Variants in RFNG observed in about 807,000 individuals in gnomAD.
RFNG encodes beta-1,3-N-acetylglucosaminyltransferase radical fringe.
A neutral mutation model predicts 29.6 loss-of-function variants in RFNG; 37 were observed. The observed-to-expected ratio is 1.25, with a 90% CI of 0.96 to 1.65. The LOEUF (loss-of-function observed/expected upper bound fraction) is 1.65, where lower values mean the gene tolerates loss of function less well. RFNG is among the 40% of genes most tolerant of loss of function. The pLI, the probability that RFNG is intolerant of heterozygous loss-of-function variation, is 0.00. For missense variants in RFNG, 546 were observed against 457.0 expected, an observed-to-expected ratio of 1.19 and a Z score of -1.78; for synonymous variants, 276 against 197.3, an observed-to-expected ratio of 1.40 and a Z score of -3.34.
In RFNG at chr17:82,051,722, C is replaced by A; in HGVS notation, c.45G>T (p.Leu15=). 1.9e-6 allele frequency: 2 copies of A among 1,053,012 alleles called. No individual in the cohort carries two copies. Among genetic ancestry groups the A allele is most frequent in the Non-Finnish European group, 2.3e-6 (2 of 876,052 alleles). The allele number at this position is 1,053,012 out of a possible 1,614,324, so 65.2% of individuals were successfully genotyped here. A position where few individuals can be genotyped will look rare whatever the true frequency, so the allele number is the denominator to read the frequency against. ...RGALCRACLA[L]AAALAALLLL... is the part of the protein sequence containing the mutation. The stretch of plus-strand genomic sequence containing the variant: ...ACAGCAGCGCGGCCAGGGCCGCGGC[C>A]AGCGCGAGGCAGGCCCGGCACAGCG... The change falls in exon 1 of 8, where the codon CTG becomes CTT. Residue 15 remains leucine (L), a synonymous_variant. Transcript: ENST00000310496. This position sits in a 1 kb window ranked among gnomAD's most constrained non-coding sequence, Gnocchi z 4.1.
intron 6 of RFNG, chr17:82,049,442 C>G (rs774577196): frequency 1.4e-6 from 1 of 708,456 alleles, no homozygotes; most frequent in South Asian, 1.5e-5. Flanking sequence ...TGGGGCCTCA[C>G]TGGCCCGAGA....
rs1273072952 is a variant in RFNG, at chr17:82,051,529, G to A, written c.238C>T (p.Arg80Cys). 1.4e-6 allele frequency: 2 copies of A among 1,398,690 alleles called. No homozygotes were observed. Among genetic ancestry groups the A allele is most frequent in the South Asian group, 1.5e-5 (1 of 65,156 alleles). The allele number at this position is 1,398,690 out of a possible 1,614,324, so 86.6% of individuals were successfully genotyped here. Residue 80 changes from arginine (R) to cysteine (C), a missense_variant, in exon 1 of 8, where the codon CGC becomes TGC. Physicochemically the swap from Arg to Cys is radical, Grantham distance 180. Transcript: ENST00000310496. This position sits in a 1 kb window ranked among gnomAD's most constrained non-coding sequence, Gnocchi z 4.1. ...TGGCGGGCCCGGGAGATCCAGGTGCGCAGCAGCAGCCGCAGGCGCGGCCCG... is the reference window on the plus strand; with the variant it reads ...TGGCGGGCCCGGGAGATCCAGGTGCACAGCAGCAGCCGCAGGCGCGGCCCG... Reference protein sequence around the residue: ...NHGPRLRLLLRTWISRARQQT... With the variant: ...NHGPRLRLLLCTWISRARQQT...
Position 82,051,771 on chromosome 17 carries a change from C to T in RFNG, c.-5G>A. 1.1e-5 allele frequency: 12 copies of T among 1,103,610 alleles called. No homozygotes were observed. Among genetic ancestry groups the T allele is most frequent in the Non-Finnish European group, 1.3e-5 (12 of 907,102 alleles). 68.4% of individuals were successfully genotyped at this position (1,103,610 alleles called of 1,614,324 possible). A position where few individuals can be genotyped will look rare whatever the true frequency, so the allele number is the denominator to read the frequency against. On this transcript the variant is annotated 5_prime_UTR_variant, in exon 1 of 8. Coordinates refer to ENST00000310496, the MANE Select transcript of RFNG (RefSeq NM_002917.2). This position sits in a 1 kb window ranked among gnomAD's most constrained non-coding sequence, Gnocchi z 4.1. ...CGCCCCACGCGCGCGGCTCATGCGG[C>T]CGCCGGGACCCCCGGCGCTGCGAGC...
At chr17:82,049,004 G>A (rs1383867803) in intron 7 of RFNG, 27 bp downstream of exon 7, 7 of 1,609,384 alleles carry the variant, frequency 4.3e-6, no homozygotes, top group South Asian at 1.1e-5. Context: ...CGGGGCCGAG[G>A]GCCTGCCCAT....
chr17:82,048,830 T>C lies in RFNG; in HGVS notation c.915-23A>G, dbSNP rs1490667177. ...AACCTGGGGAAGGAAGAAGTAGGGG[T>C]CAGGGCCGTGGGCGGAGAGAGAAGC... On this transcript the variant is annotated intron_variant, in intron 7 of 7. Transcript: ENST00000310496. The C allele has an allele frequency of 2.5e-6, 4 of 1,597,366 alleles. No individual in the cohort carries two copies. The East Asian group carries it at 6.7e-5, about 27-fold the overall frequency.
At chr17:82,048,902 G>A (rs2030086074) in intron 7 of RFNG, 95 bp from the exon 8 acceptor site, 2 of 1,428,752 alleles carry the variant, frequency 1.4e-6, no homozygotes, top group South Asian at 2.3e-5. Context: ...TCAGGGCCGT[G>A]GGTACAGGGA....
At position 82,051,810 on chromosome 17, in the gene RFNG, G is replaced by A. The variant is rs2030681783; in HGVS notation, c.-44C>T. 1.8e-6 allele frequency: 2 copies of A among 1,132,714 alleles called. No homozygotes were observed. Among genetic ancestry groups the A allele is most frequent in the East Asian group, 4.3e-5 (1 of 23,114 alleles). The allele number at this position is 1,132,714 out of a possible 1,614,324, so 70.2% of individuals were successfully genotyped here. On this transcript the variant is annotated 5_prime_UTR_variant, in exon 1 of 8. Transcript: ENST00000310496. This position sits in a 1 kb window ranked among gnomAD's most constrained non-coding sequence, Gnocchi z 4.1. ...GGCGCTGCGAGCGGAGAACCTGGCC[G>A]GAGCCGTGGGTGGGCGGCGGCCCCT...
intron 7 of RFNG, 53 bp from the exon 8 acceptor site, chr17:82,048,860 G>A (rs1268880075): frequency 1.9e-6 from 3 of 1,542,644 alleles, no homozygotes; most frequent in African/African-American, 2.7e-5. Flanking sequence ...AGAAGCGGGG[G>A]CCAGGGCCGT....
Position 82,049,845 on chromosome 17 carries a change from G to T in RFNG, c.663-3C>A, listed in dbSNP as rs114154319. 44 of 1,602,942 alleles carry T rather than the reference G, an allele frequency of 2.7e-5. No individual in the cohort carries two copies. Among genetic ancestry groups the T allele is most frequent in the African/African-American group, 1.5e-4 (11 of 74,504 alleles). ...CTGTGCTCATGAAGCTGCCCAGGCT[G>T]GGGGGAGGCCGGTCAGCACCTTTCA... On this transcript the variant is annotated splice_region_variant and splice_polypyrimidine_tract_variant and intron_variant, in intron 5 of 7. Coordinates refer to ENST00000310496, the MANE Select transcript of RFNG (RefSeq NM_002917.2).
chr17:82,051,576 AC>A lies in RFNG; in HGVS notation c.190del (p.Val64SerfsTer88). The A allele has an allele frequency of 7.4e-7, 1 of 1,348,114 alleles. No individual in the cohort carries two copies. The highest frequency in any genetic ancestry group is 1.7e-5 in the South Asian group (1 of 59,278). The allele number at this position is 1,348,114 out of a possible 1,614,324, so 83.5% of individuals were successfully genotyped here. On this transcript the variant is annotated frameshift_variant, in exon 1 of 8. Transcript: ENST00000310496. LOFTEE classifies it high-confidence loss of function. This position sits in a 1 kb window ranked among gnomAD's most constrained non-coding sequence, Gnocchi z 4.1. ...CCCGTGGTTCTTCCGGGTGGTCTTG[AC>A]GGCGATGAAGACGTCGTCAGGCCGC... ...SLRPDDVFIA[V>X]KTTRKNHGPR... is the part of the protein sequence containing the mutation.
Position 82,050,670 on chromosome 17 carries a change from G to C in RFNG, c.411C>G (p.Ser137=). Residue 137 remains serine (S), a synonymous_variant, in exon 3 of 8, where the codon TCC becomes TCG. Transcript: ENST00000310496. ...MSVEYDKFIE[S]GRKWFCHVDD... ...GGGTCAGCGCCGCGTACTTGCGCCC[G>C]GACTCAATGAACTTGTCATACTCCA... The C allele has an allele frequency of 6.2e-7, 1 of 1,613,110 alleles. No individual in the cohort carries two copies. The highest frequency in any genetic ancestry group is 8.5e-7 in the Non-Finnish European group (1 of 1,179,898).
In RFNG at chr17:82,050,454, G is replaced by C; in HGVS notation, c.521C>G (p.Pro174Arg). Residue 174 changes from proline to arginine, a missense_variant, in exon 4 of 8, where the codon CCC becomes CGC. Pro to Arg is a moderately radical substitution (Grantham distance 103, BLOSUM62 -2). Coordinates refer to ENST00000310496, the MANE Select transcript of RFNG (RefSeq NM_002917.2). ...SPSQDVYLGR[P>R]SLDHPIEATE... ...GGCCTCAATGGGGTGGTCCAGGCTG[G>C]GCCGCCCCAGGTAGACGTCCTGGCT... The C allele has an allele frequency of 6.2e-7, 1 of 1,612,510 alleles. No individual in the cohort carries two copies. The highest frequency in any genetic ancestry group is 8.5e-7 in the Non-Finnish European group (1 of 1,179,788).
rs376864053 is a variant in RFNG at position 82,050,364 on chromosome 17, A to C, written c.573+38T>G. The C allele has an allele frequency of 4.0e-5, 61 of 1,528,990 alleles. No individual in the cohort carries two copies. In the African/African-American group the frequency reaches 7.1e-4, roughly 18 times the overall value. 94.7% of individuals were successfully genotyped at this position (1,528,990 alleles called of 1,614,324 possible). A position where few individuals can be genotyped will look rare whatever the true frequency, so the allele number is the denominator to read the frequency against. ...TGTGCCTCCCGGGCTGGTGTCAAGG[A>C]AGGCGTCTGCTCCGATGGCGTCTGC... On this transcript the variant is annotated intron_variant, in intron 4 of 7. Transcript: ENST00000310496.
At position 82,051,800 on chromosome 17, in the gene RFNG, G is replaced by A; in HGVS notation, c.-34C>T. On this transcript the variant is annotated 5_prime_UTR_variant, in exon 1 of 8. Transcript: ENST00000310496. This position sits in a 1 kb window ranked among gnomAD's most constrained non-coding sequence, Gnocchi z 4.1. ...CGGGACCCCCGGCGCTGCGAGCGGA[G>A]AACCTGGCCGGAGCCGTGGGTGGGC... 2 of 1,129,048 alleles carry A rather than the reference G, an allele frequency of 1.8e-6. No individual in the cohort carries two copies. Among genetic ancestry groups the A allele is most frequent in the Non-Finnish European group, 1.1e-6 (1 of 921,522 alleles). 69.9% of individuals were successfully genotyped at this position (1,129,048 alleles called of 1,614,324 possible). A position where few individuals can be genotyped will look rare whatever the true frequency, so the allele number is the denominator to read the frequency against.
In RFNG at chr17:82,048,485, G is replaced by C. The variant is rs1366082130; in HGVS notation, c.*241C>G. 5.4e-6 allele frequency: 3 copies of C among 554,216 alleles called. No individual in the cohort carries two copies. The highest frequency in any genetic ancestry group is 6.1e-5 in the East Asian group (2 of 32,628). 34.3% of individuals were successfully genotyped at this position (554,216 alleles called of 1,614,324 possible). A position where few individuals can be genotyped will look rare whatever the true frequency, so the allele number is the denominator to read the frequency against. On this transcript the variant is annotated 3_prime_UTR_variant, in exon 8 of 8. Transcript: ENST00000310496. The stretch of plus-strand genomic sequence containing the variant: ...GGGATCAACCTTGGGGCTGGGTCGG[G>C]GGGAGGGGCACTGCGGCCCTGGCCA...
rs116095529 is a variant in RFNG, at chr17:82,050,670, G to T, written c.411C>A (p.Ser137=). The part of the protein sequence containing the change: ...MSVEYDKFIE[S]GRKWFCHVDD... ...GGGTCAGCGCCGCGTACTTGCGCCC[G>T]GACTCAATGAACTTGTCATACTCCA... is the stretch of plus-strand genomic sequence containing the variant. Residue 137 remains serine (S), a synonymous_variant, in exon 3 of 8, where the codon TCC becomes TCA. Coordinates refer to ENST00000310496, the MANE Select transcript of RFNG (RefSeq NM_002917.2). 2.5e-6 allele frequency: 4 copies of T among 1,612,992 alleles called. No individual in the cohort carries two copies. Among genetic ancestry groups the T allele is most frequent in the Non-Finnish European group, 3.4e-6 (4 of 1,179,906 alleles).
In RFNG at chr17:82,047,926, C is replaced by G. The variant is rs1033314974; in HGVS notation, c.*800G>C. Reference sequence around the variant, plus strand: ...GTGAAGTAAGAACAAAAGCTTTACTCGTGCTCGGCAACAGCAAAGCAGGAG... The same window carrying G: ...GTGAAGTAAGAACAAAAGCTTTACTGGTGCTCGGCAACAGCAAAGCAGGAG... On this transcript the variant is annotated 3_prime_UTR_variant, in exon 8 of 8. Transcript: ENST00000310496. 2 of 152,216 alleles carry G rather than the reference C, an allele frequency of 1.3e-5. No homozygotes were observed. Among genetic ancestry groups the G allele is most frequent in the African/African-American group, 4.8e-5 (2 of 41,410 alleles). 9.4% of individuals were successfully genotyped at this position (152,216 alleles called of 1,614,324 possible).
intron 6 of RFNG, chr17:82,049,337 G>C: frequency 1.4e-6 from 1 of 700,494 alleles, no homozygotes; most frequent in Non-Finnish European, 2.6e-6. Context: ...AAACCTCCAG[G>C]GCAAAGCTGA....
chr17:82,049,089 T>G lies in RFNG; in HGVS notation c.856A>C (p.Asn286His). The G allele has an allele frequency of 1.2e-6, 2 of 1,613,516 alleles. No individual in the cohort carries two copies. The highest frequency in any genetic ancestry group is 1.7e-6 in the Non-Finnish European group (2 of 1,179,854). Reference protein sequence around the residue: ...QVTLSHGGPENPHNVVNVAGG... With the variant: ...QVTLSHGGPEHPHNVVNVAGG... ...GCCACGTTCACCACGTTATGTGGGT[T>G]CTCAGGACCCCCATGGCTCAAGGTA... Residue 286 changes from asparagine (N) to histidine (H), a missense_variant, in exon 7 of 8, where the codon AAC becomes CAC. Physicochemically the swap from Asn to His is moderately conservative, Grantham distance 68. Transcript: ENST00000310496.
Sources: allele counts gnomAD v4.1 joint callset, GRCh38; gene constraint gnomAD v4.1.1; non-coding constraint Gnocchi (gnomAD v3.1); transcripts MANE v1.5; gene names NCBI Gene and HGNC (gene_info 2026-07-23, HGNC 2026-07-21).